TAFA2: variants seen among roughly 807,000 people sequenced by gnomAD.
The protein encoded by TAFA2 is chemokine-like protein TAFA-2.
In TAFA2, 7 loss-of-function variants were observed where a neutral mutation model predicts 18.8. The observed-to-expected ratio is 0.37, with a 90% CI of 0.21 to 0.70. TAFA2 has a LOEUF of 0.70. Among genes scored for constraint, TAFA2 ranks in the 30% least tolerant of loss-of-function variants. TAFA2 has a pLI of 0.53. For synonymous variants in TAFA2, 60 were observed against 54.2 expected (o/e 1.11, Z -0.47); for missense variants, 122 against 158.1 (o/e 0.77, Z 1.23).
At chr12:61,957,635 G>A (rs1184631183) in intron 1 of TAFA2, among the ~76,000 whole-genome samples, 1 of 152,098 alleles carries the variant, frequency 6.6e-6, no homozygotes, top group Non-Finnish European at 1.5e-5. Flanking sequence ...ACAAGGTCAA[G>A]GCCCATTAGA....
intron 1 of TAFA2, among the ~76,000 whole-genome samples, chr12:61,913,442 A>G (rs1876694297): frequency 6.6e-6 from 1 of 152,196 alleles, no homozygotes; most frequent in South Asian, 2.1e-4. Context: ...TTAATAACAC[A>G]GAAGGAAAGT....
intron 1 of TAFA2, among the ~76,000 whole-genome samples, chr12:61,993,594 A>T (rs1424244985): frequency 6.6e-6 from 1 of 152,132 alleles, no homozygotes; most frequent in Non-Finnish European, 1.5e-5. Context: ...TGCCATTCAG[A>T]AATTTCTGTC....
chr12:61,718,286 AT>A (rs1414354729), intron 4 of TAFA2, among the ~76,000 whole-genome samples: 1 of 152,198 alleles, frequency 6.6e-6, no homozygotes. Flanking sequence ...TTGCGTTGCC[AT>A]TTATGCACAT....
intron 1 of TAFA2, among the ~76,000 whole-genome samples, chr12:62,020,749 G>T (rs950326502): frequency 4.6e-5 from 7 of 152,152 alleles, no homozygotes; most frequent in Non-Finnish European, 1.0e-4. Context: ...CTCATTTACT[G>T]AAATGTACTG....
intron 1 of TAFA2, among the ~76,000 whole-genome samples, chr12:62,244,768 C>A (rs1003612410): frequency 6.6e-6 from 1 of 152,116 alleles, no homozygotes; most frequent in Non-Finnish European, 1.5e-5. Flanking sequence ...ATTTGCCAAA[C>A]TGATGGATGT....
At chr12:62,039,971 T>C (rs1881714456) in intron 1 of TAFA2, among the ~76,000 whole-genome samples, 1 of 152,166 alleles carries the variant, frequency 6.6e-6, no homozygotes, top group African/African-American at 2.4e-5. Flanking sequence ...ATTCCTCCGG[T>C]TGATTTTTCT....
At chr12:62,199,139 T>C (rs1033356647) in intron 1 of TAFA2, among the ~76,000 whole-genome samples, 3 of 152,218 alleles carry the variant, frequency 2.0e-5, no homozygotes, top group Non-Finnish European at 4.4e-5. Flanking sequence ...TATCTGACAA[T>C]TGGCTGATTG....
chr12:61,912,616 C>T (rs904678791), intron 1 of TAFA2, among the ~76,000 whole-genome samples: 1 of 152,080 alleles, frequency 6.6e-6, no homozygotes, highest in African/African-American at 2.4e-5. Flanking sequence ...ACCAAATGCC[C>T]AGACATTGTT....
At chr12:61,877,128 C>G (rs1478338788) in intron 1 of TAFA2, among the ~76,000 whole-genome samples, 8 of 152,170 alleles carry the variant, frequency 5.3e-5, no homozygotes, top group Non-Finnish European at 1.0e-4. Flanking sequence ...AGAATCAAAG[C>G]AGCAACCACT....
At chr12:61,994,955 C>CTTT (rs1880134577) in intron 1 of TAFA2, among the ~76,000 whole-genome samples, 2 of 152,132 alleles carry the variant, frequency 1.3e-5, no homozygotes, top group Non-Finnish European at 2.9e-5. Context: ...CTAGACCATC[C>CTTT]TTTTTACTAG....
chr12:62,178,909 T>A (rs2103350), intron 1 of TAFA2, among the ~76,000 whole-genome samples: 135,718 of 152,186 alleles, frequency 0.89, 60,643 homozygotes, highest in Middle Eastern at 0.93. Context: ...TTGTAGAGAA[T>A]CAGGTTTTGA....
At chr12:61,928,869 G>T (rs1282711435) in intron 1 of TAFA2, among the ~76,000 whole-genome samples, 1 of 152,060 alleles carries the variant, frequency 6.6e-6, no homozygotes, top group Admixed American at 6.6e-5. Context: ...GGACATGGAA[G>T]AAGCTGGAAA....
At chr12:62,052,283 T>C (rs1451085512) in intron 1 of TAFA2, among the ~76,000 whole-genome samples, 4 of 152,168 alleles carry the variant, frequency 2.6e-5, no homozygotes. Flanking sequence ...GCAGTCTCAA[T>C]CCCAGGCTCA....
intron 1 of TAFA2, among the ~76,000 whole-genome samples, chr12:61,919,058 G>A (rs187191044): frequency 6.6e-6 from 1 of 152,296 alleles, no homozygotes; most frequent in Admixed American, 6.5e-5. Context: ...ACTGCCAACA[G>A]TGGCCTGTTA....
At chr12:61,724,293 C>T (rs1870036951) in intron 4 of TAFA2, among the ~76,000 whole-genome samples, 1 of 151,972 alleles carries the variant, frequency 6.6e-6, no homozygotes, top group Non-Finnish European at 1.5e-5. Context: ...AAAGAGAAGA[C>T]ACATTTTATA....
Position 61,754,903 on chromosome 12 carries a change from G to T in TAFA2, c.228C>A (p.Gly76=), listed in dbSNP as rs1003876296. The part of the protein sequence containing the change: ...KCSCFPGQVA[G]TTRAAPSCVD... ...CACATGATGGAGCAGCTCGCGTGGT[G>T]CCTGCCACCTGCCCAGGGAAGCAGG... is the stretch of plus-strand genomic sequence containing the variant. Residue 76 remains glycine (G), a synonymous_variant, in exon 3 of 5, where the codon GGC becomes GGA. Coordinates refer to ENST00000416284, the MANE Select transcript of TAFA2 (RefSeq NM_178539.5). The T allele has an allele frequency of 1.9e-6, 3 of 1,612,880 alleles. No individual in the cohort carries two copies. Among genetic ancestry groups the T allele is most frequent in the Non-Finnish European group, 2.5e-6 (3 of 1,179,354 alleles).
At chr12:62,135,870 A>G (rs745956723) in intron 1 of TAFA2, 2 of 152,146 alleles carry the variant, frequency 1.3e-5, no homozygotes, top group Non-Finnish European at 2.9e-5. Context: ...GAACTGATAA[A>G]CAACATAAAT....
intron 4 of TAFA2, chr12:61,720,954 A>G (rs1332909403): frequency 1.9e-6 from 1 of 517,168 alleles, no homozygotes; most frequent in Non-Finnish European, 3.9e-6. Context: ...CAGGCACTCC[A>G]CTGTTTAACA....
intron 1 of TAFA2, among the ~76,000 whole-genome samples, chr12:61,869,011 A>T (rs970424772): frequency 1.3e-5 from 2 of 152,168 alleles, no homozygotes; most frequent in African/African-American, 4.8e-5. Flanking sequence ...ACATGTACTA[A>T]GGATTCAATG....
Sources: gnomAD v4.1 joint callset for allele counts (sites outside exome capture counted in the v4.1 genomes callset) on GRCh38, gnomAD v4.1.1 for gene constraint, MANE v1.5 for transcripts, NCBI Gene and HGNC (gene_info 2026-07-23, HGNC 2026-07-21) for gene names.